Variants in SYT17 observed in about 807,000 individuals in gnomAD.
SYT17 encodes synaptotagmin-17.
Under a neutral mutation model 46.7 loss-of-function variants are expected in SYT17, and 22 were observed. That is an observed-to-expected ratio of 0.47 (90% confidence interval 0.34 to 0.67). The LOEUF (loss-of-function observed/expected upper bound fraction) is 0.67. Among genes scored for constraint, SYT17 ranks in the 30% least tolerant of loss-of-function variants. The pLI is 0.01. For synonymous variants in SYT17, 251 were observed against 248.4 expected, an observed-to-expected ratio of 1.01 and a Z score of -0.10; for missense variants, 519 against 612.8, an observed-to-expected ratio of 0.85 and a Z score of 1.62.
intron 7 of SYT17, among the ~76,000 whole-genome samples, chr16:19,247,194 C>T (rs373114722): frequency 1.8e-4 from 28 of 152,286 alleles, no homozygotes; most frequent in African/African-American, 4.1e-4. Context: ...CTCATTATTA[C>T]GGCCGTATGA....
At chr16:19,232,621 A>C (rs1966742617) in intron 7 of SYT17, among the ~76,000 whole-genome samples, 1 of 152,084 alleles carries the variant, frequency 6.6e-6, no homozygotes, top group Non-Finnish European at 1.5e-5. Context: ...GTTTGAGTCC[A>C]GGAGTTTGAG....
At position 19,222,176 on chromosome 16, in the gene SYT17, A is replaced by G. The variant is rs1966342393; in HGVS notation, c.952-869A>G. 2.0e-5 allele frequency among the ~76,000 whole-genome samples: 3 copies of G among 152,242 alleles called. No individual in the cohort carries two copies. In the South Asian group the frequency reaches 6.2e-4, roughly 31 times the overall value. Reference sequence around the variant, plus strand: ...ATTCAGCTAAAACGTTTCACAAGTCAGAATATAGGTGAAATACCATTTGGC... The same window carrying G: ...ATTCAGCTAAAACGTTTCACAAGTCGGAATATAGGTGAAATACCATTTGGC... On this transcript the variant is annotated intron_variant, in intron 5 of 7. Coordinates refer to ENST00000355377, the MANE Select transcript of SYT17 (RefSeq NM_016524.4).
chr16:19,244,019 C>T (rs2142979373), intron 7 of SYT17, among the ~76,000 whole-genome samples: 1 of 152,126 alleles, frequency 6.6e-6, no homozygotes, highest in Middle Eastern at 3.4e-3. Context: ...GGAAGAGCTC[C>T]TAACTTGGGC....
chr16:19,258,221 A>G (rs1399688600), intron 7 of SYT17, among the ~76,000 whole-genome samples: 1 of 152,134 alleles, frequency 6.6e-6, no homozygotes, highest in African/African-American at 2.4e-5. Context: ...CAGCTGTAAA[A>G]TGAGCCAGTG....
chr16:19,178,109 A>G (rs1223957333), intron 3 of SYT17, among the ~76,000 whole-genome samples: 4 of 149,628 alleles, frequency 2.7e-5, no homozygotes, highest in Admixed American at 6.7e-5. Context: ...TTTGAGACGG[A>G]GTCTAGCTCT....
chr16:19,266,780 A>G (rs1454799388), intron 7 of SYT17, 100 bp from the exon 8 acceptor site: 21 of 1,074,854 alleles, frequency 2.0e-5, no homozygotes, highest in Non-Finnish European at 2.8e-5. Context: ...GCAGTTGACA[A>G]ATGTGTAGAC....
At chr16:19,181,924 G>A (rs777634641) in intron 4 of SYT17, among the ~76,000 whole-genome samples, 3 of 151,320 alleles carry the variant, frequency 2.0e-5, no homozygotes, top group South Asian at 2.1e-4. Context: ...GGTTGAACCC[G>A]GGAGGTGGAG....
At chr16:19,226,681 C>G (rs1966508284) in intron 7 of SYT17, among the ~76,000 whole-genome samples, 1 of 152,300 alleles carries the variant, frequency 6.6e-6, no homozygotes, top group South Asian at 2.1e-4. Flanking sequence ...AGAAGACCGT[C>G]ACCCCTGACT....
Position 19,267,369 on chromosome 16 carries a change from C to T in SYT17, c.*293C>T. ...GTGGGACTTATTGGCAGTGCCTGCT[C>T]TTGTCAATACTCCTGCCCCAAAATG... On this transcript the variant is annotated 3_prime_UTR_variant, in exon 8 of 8. Transcript: ENST00000355377. 1 of 256,778 alleles carries T rather than the reference C, an allele frequency of 3.9e-6. No homozygotes were observed. Among genetic ancestry groups the T allele is most frequent in the South Asian group, 1.1e-4 (1 of 9,368 alleles). 15.9% of individuals were successfully genotyped at this position (256,778 alleles called of 1,614,324 possible).
rs1351358296 is a variant in SYT17, at chr16:19,173,568, C to G, written c.172C>G (p.Pro58Ala). The G allele has an allele frequency of 6.2e-7, 1 of 1,613,446 alleles. No homozygotes were observed. Residue 58 changes from proline to alanine, a missense_variant, in exon 3 of 8, where the codon CCT (proline) becomes GCT (alanine). Physicochemically the swap from Pro to Ala is conservative, Grantham distance 27. Transcript: ENST00000355377. ...TCTGGGACCTTTCCCTGCTCAGACCCCTCCCTGGCTGTAAGTAAAACTGCT... is the reference window on the plus strand; with the variant it reads ...TCTGGGACCTTTCCCTGCTCAGACCGCTCCCTGGCTGTAAGTAAAACTGCT... ...EILGPFPAQT[P>A]PWLMASRSSD... is the part of the protein sequence containing the mutation.
At chr16:19,264,140 A>G (rs1969196797) in intron 7 of SYT17, among the ~76,000 whole-genome samples, 1 of 152,156 alleles carries the variant, frequency 6.6e-6, no homozygotes, top group African/African-American at 2.4e-5. Context: ...CAGACACCGA[A>G]TTTGCCAGTG....
At chr16:19,227,749 T>A (rs550044098) in intron 7 of SYT17, among the ~76,000 whole-genome samples, 12 of 152,336 alleles carry the variant, frequency 7.9e-5, no homozygotes, top group African/African-American at 2.9e-4. Context: ...GAGGGTTCTG[T>A]TCCTTTAAAA....
intron 7 of SYT17, among the ~76,000 whole-genome samples, chr16:19,239,809 C>T (rs115771187): frequency 0.021 from 3,144 of 152,300 alleles, 103 homozygotes; most frequent in African/African-American, 0.072. Flanking sequence ...CAGGCTGGAT[C>T]CCATGCCTCT....
intron 7 of SYT17, among the ~76,000 whole-genome samples, chr16:19,232,731 T>G (rs1966746598): frequency 6.6e-6 from 1 of 151,830 alleles, no homozygotes; most frequent in South Asian, 2.1e-4. Flanking sequence ...CTCGGGAGGC[T>G]TAGGTGGGAG....
chr16:19,220,303 C>CTTTATTTTTTTT (rs776097400), intron 5 of SYT17, among the ~76,000 whole-genome samples: 1 of 80,498 alleles, frequency 1.2e-5, no homozygotes, highest in Non-Finnish European at 2.2e-5. Flanking sequence ...TTCTTTCTTT[C>CTTTATTTTTTTT]TTTTTTTTTT....
At chr16:19,192,363 G>T (rs12447641) in intron 5 of SYT17, among the ~76,000 whole-genome samples, 1 of 152,118 alleles carries the variant, frequency 6.6e-6, no homozygotes, top group East Asian at 1.9e-4. Context: ...AGAGGCTGCA[G>T]TGAGCCAAGA....
intron 1 of SYT17, chr16:19,170,584 C>G (rs1227813002): frequency 1.3e-5 from 2 of 152,126 alleles, no homozygotes; most frequent in Non-Finnish European, 2.9e-5. Flanking sequence ...TCTCTCTGCT[C>G]CTTGACACTC....
At chr16:19,189,993 T>TGCCAAAATGA (rs1452404076) in intron 5 of SYT17, among the ~76,000 whole-genome samples, 1 of 152,234 alleles carries the variant, frequency 6.6e-6, no homozygotes, top group Admixed American at 6.5e-5. Context: ...AATGGAGCTA[T>TGCCAAAATGA]GGCATTTTTG....
intron 7 of SYT17, among the ~76,000 whole-genome samples, chr16:19,243,394 G>C (rs1195350457): frequency 6.6e-6 from 1 of 152,180 alleles, no homozygotes; most frequent in Non-Finnish European, 1.5e-5. Flanking sequence ...ATTTGGGCTG[G>C]AGAAGCAGAG....
Sources: allele counts gnomAD v4.1 joint callset (sites outside exome capture counted in the v4.1 genomes callset), GRCh38; gene constraint gnomAD v4.1.1; transcripts MANE v1.5; gene names NCBI Gene and HGNC (gene_info 2026-07-23, HGNC 2026-07-21).